The following TAOK3 variants were observed in gnomAD, a reference collection of about 807,000 sequenced individuals.
TAOK3 encodes the protein serine/threonine-protein kinase TAO3.
A neutral mutation model predicts 120.4 loss-of-function variants in TAOK3; 40 were observed. That is an observed-to-expected ratio of 0.33 (90% CI 0.26 to 0.43). The LOEUF (loss-of-function observed/expected upper bound fraction) is 0.43. Among genes scored for constraint, TAOK3 ranks in the 20% least tolerant of loss-of-function variants. The probability of loss-of-function intolerance (pLI) is 1.00; values close to 1 mark genes in which losing one functional copy is unlikely to be tolerated. For missense variants in TAOK3, 821 were observed against 1,112.1 expected (o/e 0.74, Z 3.72); for synonymous variants, 355 against 387.5 (o/e 0.92, Z 0.99).
At chr12:118,264,624 G>T (rs1372447386) in intron 2 of TAOK3, among the ~76,000 whole-genome samples, 1 of 152,148 alleles carries the variant, frequency 6.6e-6, no homozygotes, top group Non-Finnish European at 1.5e-5. Flanking sequence ...AAGCTTTTTG[G>T]GAGTGATAGT....
chr12:118,250,353 A>G (rs1173702577), intron 3 of TAOK3, among the ~76,000 whole-genome samples: 16 of 152,198 alleles, frequency 1.1e-4, no homozygotes, highest in Admixed American at 9.8e-4. Context: ...AACATAACAT[A>G]TACTCTCAGC....
intron 1 of TAOK3, among the ~76,000 whole-genome samples, chr12:118,315,489 C>T (rs533074636): frequency 2.6e-4 from 40 of 152,008 alleles, no homozygotes; most frequent in African/African-American, 9.4e-4. Context: ...AATAAGAGTA[C>T]AAATGGTAAA....
At chr12:118,225,392 G>GC (rs1565976211) in intron 9 of TAOK3, among the ~76,000 whole-genome samples, 2 of 139,076 alleles carry the variant, frequency 1.4e-5, no homozygotes, top group African/African-American at 2.8e-5. Flanking sequence ...TGTCTTGCAT[G>GC]TAAAAAAAAA....
chr12:118,351,200 A>T (rs2045136874), intron 1 of TAOK3, among the ~76,000 whole-genome samples: 1 of 152,160 alleles, frequency 6.6e-6, no homozygotes, highest in African/African-American at 2.4e-5. Context: ...TTAAAAAAAA[A>T]TCTGAGGCAT....
chr12:118,200,645 C>T (rs1231122040), intron 12 of TAOK3: 4 of 152,150 alleles, frequency 2.6e-5, no homozygotes, highest in Non-Finnish European at 5.9e-5. Flanking sequence ...ATGCCAGGAC[C>T]TTAAACTCAA....
chr12:118,207,345 A>AAT (rs57842869), intron 11 of TAOK3, among the ~76,000 whole-genome samples: 1 of 151,242 alleles, frequency 6.6e-6, no homozygotes, highest in African/African-American at 2.4e-5. Flanking sequence ...AAAAAAAAAA[A>AAT]GAAAGAAAAT....
intron 1 of TAOK3, among the ~76,000 whole-genome samples, chr12:118,357,903 C>T (rs1025406213): frequency 2.0e-5 from 3 of 152,214 alleles, no homozygotes; most frequent in African/African-American, 7.2e-5. Context: ...CTTTTTCATA[C>T]ATTAGAAAGA....
intron 6 of TAOK3, among the ~76,000 whole-genome samples, chr12:118,238,399 C>T (rs2040107986): frequency 6.6e-6 from 1 of 152,158 alleles, no homozygotes; most frequent in Non-Finnish European, 1.5e-5. Context: ...GCCTGATATT[C>T]CTTAAATGAT....
At chr12:118,236,432 T>A (rs1304617520) in intron 7 of TAOK3, 1 of 152,158 alleles carries the variant, frequency 6.6e-6, no homozygotes, top group Non-Finnish European at 1.5e-5. Flanking sequence ...TTCAAAAAAT[T>A]CATTTTTCAT....
intron 1 of TAOK3, among the ~76,000 whole-genome samples, chr12:118,338,933 C>T (rs2044484789): frequency 1.3e-5 from 2 of 151,678 alleles, no homozygotes; most frequent in South Asian, 4.2e-4. Context: ...AAAACCACTC[C>T]AAGCAAAGAG....
At chr12:118,203,116 C>T (rs1368560601) in intron 11 of TAOK3, among the ~76,000 whole-genome samples, 1 of 151,980 alleles carries the variant, frequency 6.6e-6, no homozygotes, top group Non-Finnish European at 1.5e-5. Context: ...TCAATCCTCA[C>T]CCCCATACAC....
At chr12:118,168,957 T>TTGCCTTCCTTCCTTCCTTCCTTCCTTCC (rs1300287948) in intron 17 of TAOK3, among the ~76,000 whole-genome samples, 1 of 147,672 alleles carries the variant, frequency 6.8e-6, no homozygotes, top group African/African-American at 2.5e-5. Flanking sequence ...GCTTGCTTGC[T>TTGCCTTCCTTCCTTCCTTCCTTCCTTCC]TTCCTTCCTT....
intron 1 of TAOK3, among the ~76,000 whole-genome samples, chr12:118,309,937 T>C (rs1171154165): frequency 1.4e-4 from 22 of 152,140 alleles, no homozygotes; most frequent in South Asian, 2.1e-4. Flanking sequence ...TTTCTTATTC[T>C]TTCCCCCCAT....
chr12:118,339,223 G>T (rs1405546357), intron 1 of TAOK3, among the ~76,000 whole-genome samples: 2 of 145,246 alleles, frequency 1.4e-5, no homozygotes, highest in Non-Finnish European at 1.5e-5. Context: ...GACAAGCTGA[G>T]AAACCAACAC....
At chr12:118,328,251 G>C (rs2044011277) in intron 1 of TAOK3, among the ~76,000 whole-genome samples, 1 of 152,074 alleles carries the variant, frequency 6.6e-6, no homozygotes, top group Non-Finnish European at 1.5e-5. Context: ...AGTAGAGATG[G>C]GATTTCACCA....
At chr12:118,175,352 C>T (rs1014304749) in intron 16 of TAOK3, among the ~76,000 whole-genome samples, 6 of 152,090 alleles carry the variant, frequency 3.9e-5, no homozygotes, top group Non-Finnish European at 4.4e-5. Flanking sequence ...TCAGGCCAGG[C>T]GTGGTGGCTC....
Position 118,255,489 on chromosome 12 carries a change from A to C in TAOK3, c.79T>G (p.Leu27Val). 6.2e-7 allele frequency: 1 copy of C among 1,614,188 alleles called. No individual in the cohort carries two copies. The highest frequency in any genetic ancestry group is 1.6e-4 in the Middle Eastern group (1 of 6,062). The change falls in exon 3 of 21, where the codon TTG becomes GTG. Residue 27 changes from leucine (L) to valine (V), a missense_variant. Around this residue, in one of 2 missense-constraint regions of TAOK3, gnomAD observed 467 missense variants for 540.0 expected, o/e 0.86. Transcript: ENST00000392533. ...KDDPEELFIG[L>V]HEIGHGSFGA... is the part of the protein sequence containing the mutation. ...AAACTTCCATGTCCAATTTCATGCAAACCAATAAAAAGTTCCTCAGGATCA... is the reference window on the plus strand; with the variant it reads ...AAACTTCCATGTCCAATTTCATGCACACCAATAAAAAGTTCCTCAGGATCA...
chr12:118,322,791 T>C (rs1214140536), intron 1 of TAOK3, among the ~76,000 whole-genome samples: 1 of 135,230 alleles, frequency 7.4e-6, no homozygotes, highest in Non-Finnish European at 1.6e-5. Context: ...AGTGGCACAA[T>C]CTCAGCTAAC....
intron 15 of TAOK3, among the ~76,000 whole-genome samples, chr12:118,180,839 A>C (rs558342871): frequency 2.0e-5 from 3 of 151,656 alleles, no homozygotes; most frequent in Non-Finnish European, 2.9e-5. Flanking sequence ...CAGAATATAC[A>C]TAAGTATAAT....
Sources: allele counts gnomAD v4.1 joint callset (sites outside exome capture counted in the v4.1 genomes callset), GRCh38; gene constraint gnomAD v4.1.1; regional missense constraint gnomAD v4.1.1; transcripts MANE v1.5; gene names NCBI Gene and HGNC (gene_info 2026-07-23, HGNC 2026-07-21).